Variants in DNAJC15 observed in about 807,000 individuals in gnomAD.
DNAJC15 encodes the protein DnaJ heat shock protein family (Hsp40) member C15.
Under a neutral mutation model 22.4 loss-of-function variants are expected in DNAJC15, and 27 were observed. The ratio of observed to expected loss-of-function variants is 1.20; its 90% CI spans 0.89 to 1.66. The LOEUF is 1.66. Ranked by LOEUF, DNAJC15 falls within the 40% of genes most tolerant of loss-of-function variation. DNAJC15 has a pLI of 0.00. For missense variants in DNAJC15, 208 were observed against 187.1 expected (o/e 1.11, Z -0.65); for synonymous variants, 79 against 63.2 (o/e 1.25, Z -1.19).
intron 5 of DNAJC15, among the ~76,000 whole-genome samples, chr13:43,101,481 TGTG>T (rs1281686219): frequency 6.6e-6 from 1 of 152,242 alleles, no homozygotes; most frequent in Non-Finnish European, 1.5e-5. Context: ...AAAGCTTTTT[TGTG>T]GTGATTTCTG....
At chr13:43,084,638 T>G (rs761791669) in intron 4 of DNAJC15, among the ~76,000 whole-genome samples, 3 of 152,276 alleles carry the variant, frequency 2.0e-5, no homozygotes, top group Non-Finnish European at 4.4e-5. Context: ...GTATAGCTAT[T>G]AAGTAGCAGT....
intron 1 of DNAJC15, among the ~76,000 whole-genome samples, chr13:43,062,934 GTCGCAAACTCCTGACCTCAGGTAA>G (rs1318034864): frequency 2.6e-5 from 4 of 151,990 alleles, no homozygotes; most frequent in Non-Finnish European, 5.9e-5. Context: ...GGCCAGGCTG[GTCGCAAACTCCTGACCTCAGGTAA>G]TCCATCTACC....
rs995203891 is a variant in DNAJC15, at chr13:43,023,793, C to T, written c.108+59C>T. The stretch of plus-strand genomic sequence containing the variant: ...GCTCCCTTGTAGTTTCTGCTTCAGC[C>T]CCCTCTACCGCCTCACCCTTGAACC... On this transcript the variant is annotated intron_variant, in intron 1 of 5. Coordinates refer to ENST00000379221, the MANE Select transcript of DNAJC15 (RefSeq NM_013238.3). 2.8e-6 allele frequency: 4 copies of T among 1,451,602 alleles called. No homozygotes were observed. In the African/African-American group the frequency reaches 4.2e-5, roughly 15 times the overall value. 89.9% of individuals were successfully genotyped at this position (1,451,602 alleles called of 1,614,324 possible).
intron 1 of DNAJC15, among the ~76,000 whole-genome samples, chr13:43,042,509 A>C (rs1408429387): frequency 6.6e-6 from 1 of 152,186 alleles, no homozygotes. Context: ...GTGCATTAAG[A>C]GTCAACTAGG....
intron 1 of DNAJC15, among the ~76,000 whole-genome samples, chr13:43,030,294 A>G (rs972844494): frequency 6.6e-6 from 1 of 152,360 alleles, no homozygotes; most frequent in East Asian, 1.9e-4. Context: ...GAGGGTATAA[A>G]TAAACCAAGA....
At chr13:43,086,263 T>C (rs546233663) in intron 5 of DNAJC15, among the ~76,000 whole-genome samples, 4 of 152,352 alleles carry the variant, frequency 2.6e-5, no homozygotes, top group Admixed American at 2.6e-4. Context: ...AATTTCTGAA[T>C]TTTATTCTGG....
Position 43,078,606 on chromosome 13 carries a change from A to C in DNAJC15, c.235-6A>C, listed in dbSNP as rs746261944. On this transcript the variant is annotated splice_region_variant and splice_polypyrimidine_tract_variant and intron_variant, in intron 3 of 5. Transcript: ENST00000379221. ...AATGATTTCTTGCTCTTTCTTTCCT[A>C]TACAGAGCTTTTCATCCTACTATAA... is the stretch of plus-strand genomic sequence containing the variant. The C allele has an allele frequency of 6.2e-7, 1 of 1,612,142 alleles. No homozygotes were observed. The highest frequency in any genetic ancestry group is 8.5e-7 in the Non-Finnish European group (1 of 1,178,648).
At chr13:43,068,777 T>G (rs1373651181) in intron 2 of DNAJC15, among the ~76,000 whole-genome samples, 153 bp from the exon 3 acceptor site, 2 of 152,136 alleles carry the variant, frequency 1.3e-5, no homozygotes, top group Non-Finnish European at 2.9e-5. Flanking sequence ...AATTAAAAAT[T>G]TGAAAAAATT....
intron 1 of DNAJC15, among the ~76,000 whole-genome samples, chr13:43,030,607 T>C (rs1172523176): frequency 6.6e-6 from 1 of 152,224 alleles, no homozygotes; most frequent in East Asian, 1.9e-4. Flanking sequence ...TAACACTTTA[T>C]TTATGGAGTC....
chr13:43,090,199 A>G (rs2040707487), intron 5 of DNAJC15, among the ~76,000 whole-genome samples: 1 of 152,240 alleles, frequency 6.6e-6, no homozygotes, highest in Admixed American at 6.5e-5. Context: ...CCAGATAAAG[A>G]AGCAAAGTAG....
At chr13:43,095,419 T>C (rs1318821944) in intron 5 of DNAJC15, among the ~76,000 whole-genome samples, 1 of 152,140 alleles carries the variant, frequency 6.6e-6, no homozygotes, top group East Asian at 1.9e-4. Context: ...ACTGTGTTGA[T>C]GTTAAATGAA....
chr13:43,054,752 G>A (rs2040521387), intron 1 of DNAJC15, among the ~76,000 whole-genome samples: 1 of 152,028 alleles, frequency 6.6e-6, no homozygotes, highest in South Asian at 2.1e-4. Context: ...TTGTAATATT[G>A]TTATAGGAAA....
At chr13:43,082,876 G>A (rs80043494) in intron 4 of DNAJC15, among the ~76,000 whole-genome samples, 2,917 of 134,888 alleles carry the variant, frequency 0.022, 74 homozygotes, top group South Asian at 0.12. Flanking sequence ...ATATATGTGC[G>A]TATGCGTATA....
intron 1 of DNAJC15, among the ~76,000 whole-genome samples, chr13:43,047,257 C>T (rs1335949238): frequency 1.3e-5 from 2 of 152,176 alleles, no homozygotes; most frequent in East Asian, 1.9e-4. Flanking sequence ...TCCCTACCTC[C>T]GGAAGCCTAC....
intron 4 of DNAJC15, among the ~76,000 whole-genome samples, chr13:43,082,858 A>G (rs1195190020): frequency 1.1e-5 from 1 of 91,570 alleles, no homozygotes; most frequent in Admixed American, 1.0e-4. Flanking sequence ...ATATATATAT[A>G]TACACACATA....
intron 1 of DNAJC15, among the ~76,000 whole-genome samples, chr13:43,062,215 G>A (rs947883633): frequency 6.6e-6 from 1 of 152,192 alleles, no homozygotes; most frequent in African/African-American, 2.4e-5. Context: ...TAGAAATCAT[G>A]TTCCAGAACT....
At chr13:43,057,001 C>T (rs978257727) in intron 1 of DNAJC15, among the ~76,000 whole-genome samples, 1 of 152,100 alleles carries the variant, frequency 6.6e-6, no homozygotes, top group African/African-American at 2.4e-5. Context: ...ATAGGTTTTC[C>T]TTTATAGATT....
chr13:43,033,408 C>A (rs1017768966), intron 1 of DNAJC15, among the ~76,000 whole-genome samples: 9 of 151,804 alleles, frequency 5.9e-5, no homozygotes, highest in African/African-American at 2.2e-4. Flanking sequence ...CAGAGTGAGA[C>A]CCTACTGGAA....
At chr13:43,055,444 T>A (rs962160324) in intron 1 of DNAJC15, among the ~76,000 whole-genome samples, 1 of 152,130 alleles carries the variant, frequency 6.6e-6, no homozygotes, top group African/African-American at 2.4e-5. Context: ...GGAGAGCTGT[T>A]CTTTCTTTTT....
Sources: gnomAD v4.1 joint callset for allele counts (sites outside exome capture counted in the v4.1 genomes callset) on GRCh38, gnomAD v4.1.1 for gene constraint, MANE v1.5 for transcripts, NCBI Gene and HGNC (gene_info 2026-07-23, HGNC 2026-07-21) for gene names.